Variants in AKAP6 observed in about 807,000 individuals in gnomAD.
The protein encoded by AKAP6 is A-kinase anchoring protein 6.
AKAP6 carries 58 observed loss-of-function variants against 188.5 expected under a neutral mutation model. The ratio of observed to expected loss-of-function variants is 0.31; its 90% CI spans 0.25 to 0.38. The LOEUF is 0.38. Among genes scored for constraint, AKAP6 ranks in the 10% least tolerant of loss-of-function variants. AKAP6 has a pLI of 1.00. For missense variants in AKAP6, 2,710 were observed against 2,740.0 expected, an observed-to-expected ratio of 0.99 and a Z score of 0.24; for synonymous variants, 989 against 998.6, an observed-to-expected ratio of 0.99 and a Z score of 0.18.
Position 32,545,989 on chromosome 14 carries a change from C to T in AKAP6, c.1336C>T (p.Pro446Ser), listed in dbSNP as rs752675928. 6.2e-7 allele frequency: 1 copy of T among 1,614,142 alleles called. No homozygotes were observed. Among genetic ancestry groups the T allele is most frequent in the Non-Finnish European group, 8.5e-7 (1 of 1,180,016 alleles). ...KLCLVLQSSY[P>S]NSPSAASQSY... ...TTGCCTGGTATTGCAGTCTTCTTACCCCAACAGCCCTTCTGCTGCCAGCCA... is the reference window on the plus strand; with the variant it reads ...TTGCCTGGTATTGCAGTCTTCTTACTCCAACAGCCCTTCTGCTGCCAGCCA... Residue 446 changes from proline (P) to serine (S), a missense_variant, in exon 4 of 14, where the codon CCC becomes TCC. Physicochemically the swap from Pro to Ser is moderately conservative, Grantham distance 74. Transcript: ENST00000280979.
intron 7 of AKAP6, among the ~76,000 whole-genome samples, chr14:32,676,029 G>A (rs762080245): frequency 6.6e-6 from 1 of 152,158 alleles, no homozygotes; most frequent in Non-Finnish European, 1.5e-5. Flanking sequence ...TCATGATCAA[G>A]CTTGTGACTT....
chr14:32,465,711 C>T (rs1218835794), intron 2 of AKAP6, among the ~76,000 whole-genome samples: 3 of 152,262 alleles, frequency 2.0e-5, no homozygotes, highest in African/African-American at 7.2e-5. Flanking sequence ...GCAATTGCAA[C>T]AAAAGCCAAA....
chr14:32,602,271 G>A (rs1300704169), intron 7 of AKAP6, among the ~76,000 whole-genome samples: 1 of 152,028 alleles, frequency 6.6e-6, no homozygotes, highest in African/African-American at 2.4e-5. Flanking sequence ...TGAGGCAGGA[G>A]GATCACTTGA....
chr14:32,574,148 T>C (rs1293231115), intron 4 of AKAP6, among the ~76,000 whole-genome samples: 1 of 152,160 alleles, frequency 6.6e-6, no homozygotes, highest in African/African-American at 2.4e-5. Context: ...GTGCTTAGCT[T>C]TTATTATAAG....
At position 32,763,049 on chromosome 14, in the gene AKAP6, A is replaced by T. The variant is rs192541854; in HGVS notation, c.3373-10629A>T. Among the ~76,000 whole-genome samples, 9 of 152,172 alleles carry T rather than the reference A, an allele frequency of 5.9e-5. No individual in the cohort carries two copies. In the East Asian group the frequency reaches 1.7e-3, roughly 29 times the overall value. On this transcript the variant is annotated intron_variant, in intron 11 of 13. Transcript: ENST00000280979. ...ATTTAGTGTTTGAATCTAGACTTATAATATCATGTACAATGTCGAAACTAT... is the reference window on the plus strand; with the variant it reads ...ATTTAGTGTTTGAATCTAGACTTATTATATCATGTACAATGTCGAAACTAT...
intron 4 of AKAP6, among the ~76,000 whole-genome samples, chr14:32,552,299 GA>G (rs1251480145): frequency 6.6e-6 from 1 of 152,174 alleles, no homozygotes; most frequent in Non-Finnish European, 1.5e-5. Context: ...GGGAATAGAT[GA>G]ATTCCCTAAA....
chr14:32,353,218 C>T (rs1359740278), intron 1 of AKAP6, among the ~76,000 whole-genome samples: 1 of 152,186 alleles, frequency 6.6e-6, no homozygotes, highest in Admixed American at 6.5e-5. Context: ...GTACACCCTT[C>T]TTTACCTCCT....
chr14:32,698,352 T>A (rs1890487768), intron 9 of AKAP6, among the ~76,000 whole-genome samples: 1 of 152,256 alleles, frequency 6.6e-6, no homozygotes, highest in East Asian at 1.9e-4. Flanking sequence ...GTATTTATGG[T>A]CTGTTGATCA....
chr14:32,792,240 T>G (rs1383388030), intron 12 of AKAP6, among the ~76,000 whole-genome samples: 1 of 152,218 alleles, frequency 6.6e-6, no homozygotes, highest in Non-Finnish European at 1.5e-5. Context: ...ATATTGATTC[T>G]TCCTATCCAT....
chr14:32,551,917 C>T (rs555110512), intron 4 of AKAP6, among the ~76,000 whole-genome samples: 67 of 152,104 alleles, frequency 4.4e-4, no homozygotes, highest in Non-Finnish European at 8.1e-4. Context: ...CCGCCGGCCT[C>T]GGCCTCCCAA....
chr14:32,758,000 C>A (rs1450637349), intron 11 of AKAP6, among the ~76,000 whole-genome samples: 2 of 152,082 alleles, frequency 1.3e-5, no homozygotes, highest in East Asian at 3.8e-4. Flanking sequence ...GAATATTATT[C>A]AAATATGTGT....
chr14:32,535,766 G>A lies in AKAP6; in HGVS notation c.537G>A (p.Gln179=). The A allele has an allele frequency of 6.2e-7, 1 of 1,613,736 alleles. No homozygotes were observed. The highest frequency in any genetic ancestry group is 8.5e-7 in the Non-Finnish European group (1 of 1,179,668). Residue 179 remains glutamine (Q), a synonymous_variant, in exon 3 of 14, where the codon CAG becomes CAA. Transcript: ENST00000280979. ...LQDANGNYTR[Q]TDILQAFSEE... is the part of the protein sequence containing the mutation. Reference sequence around the variant, plus strand: ...ACGCCAATGGCAACTACACTAGGCAGACGGACATTCTGCAAGCTTTCTCTG... The same window carrying A: ...ACGCCAATGGCAACTACACTAGGCAAACGGACATTCTGCAAGCTTTCTCTG...
At chr14:32,674,012 A>T (rs1007491850) in intron 7 of AKAP6, among the ~76,000 whole-genome samples, 2 of 152,214 alleles carry the variant, frequency 1.3e-5, no homozygotes, top group Non-Finnish European at 2.9e-5. Context: ...TCTACTTTTG[A>T]TAAGTTAGGC....
rs938101303 is a variant in AKAP6 at position 32,433,434 on chromosome 14, C to A, written c.-34-26C>A. The A allele has an allele frequency of 2.6e-5, 39 of 1,476,370 alleles. No homozygotes were observed. In the African/African-American group the frequency reaches 4.5e-4, roughly 17 times the overall value. 91.5% of individuals were successfully genotyped at this position (1,476,370 alleles called of 1,614,324 possible). The stretch of plus-strand genomic sequence containing the variant: ...ATTTGGCAATCTTGACTGACTCTTG[C>A]TTTCTTCTTTCCTCTTGCCTTTCAG... On this transcript the variant is annotated intron_variant, in intron 1 of 13. Transcript: ENST00000280979.
chr14:32,382,028 C>T (rs1888378698), intron 1 of AKAP6, among the ~76,000 whole-genome samples: 2 of 152,150 alleles, frequency 1.3e-5, no homozygotes, highest in African/African-American at 2.4e-5. Context: ...TGGTGTGTTA[C>T]TTAACTTTCT....
chr14:32,432,712 G>T (rs897805387), intron 1 of AKAP6, among the ~76,000 whole-genome samples: 4 of 152,294 alleles, frequency 2.6e-5, no homozygotes, highest in Non-Finnish European at 2.9e-5. Flanking sequence ...CCACGTAGCT[G>T]TCCCACGTAT....
At chr14:32,688,335 G>A (rs1003228217) in intron 8 of AKAP6, among the ~76,000 whole-genome samples, 2 of 151,900 alleles carry the variant, frequency 1.3e-5, no homozygotes, top group Non-Finnish European at 2.9e-5. Context: ...TCTTTAAAAT[G>A]TATTCCTTTA....
chr14:32,829,092 C>T (rs1291286719), intron 13 of AKAP6, among the ~76,000 whole-genome samples: 3 of 152,202 alleles, frequency 2.0e-5, no homozygotes, highest in Non-Finnish European at 4.4e-5. Flanking sequence ...TCCTGCATTG[C>T]CTAAACTTGG....
At chr14:32,405,101 C>T (rs992319682) in intron 1 of AKAP6, among the ~76,000 whole-genome samples, 7 of 151,972 alleles carry the variant, frequency 4.6e-5, no homozygotes, top group African/African-American at 1.7e-4. Context: ...CTTCTCTTTT[C>T]CTAATCTCAA....
Sources: gnomAD v4.1 joint callset for allele counts (sites outside exome capture counted in the v4.1 genomes callset) on GRCh38, gnomAD v4.1.1 for gene constraint, MANE v1.5 for transcripts, NCBI Gene and HGNC (gene_info 2026-07-23, HGNC 2026-07-21) for gene names.